The following RBFOX1 variants were observed in gnomAD, a reference collection of about 807,000 sequenced individuals.
RBFOX1 encodes RNA binding fox-1 homolog 1.
RBFOX1 carries 8 observed loss-of-function variants against 57.7 expected under a neutral mutation model. The observed-to-expected ratio is 0.14, with a 90% CI of 0.08 to 0.25. RBFOX1 has a LOEUF of 0.25. RBFOX1 is among the 10% of genes least tolerant of loss of function. The pLI is 1.00. For missense variants in RBFOX1, 611 were observed against 548.5 expected (o/e 1.11, Z -1.14); for synonymous variants, 326 against 222.4 (o/e 1.47, Z -4.15).
At chr16:6,521,313 C>A (rs960962800) in intron 2 of RBFOX1, among the ~76,000 whole-genome samples, 2 of 152,106 alleles carry the variant, frequency 1.3e-5, no homozygotes, top group Non-Finnish European at 2.9e-5. Flanking sequence ...TTCTGAAGCC[C>A]AAGACATCCC....
intron 4 of RBFOX1, among the ~76,000 whole-genome samples, chr16:7,507,372 C>T (rs982884209): frequency 6.6e-6 from 1 of 152,012 alleles, no homozygotes; most frequent in Admixed American, 6.6e-5. Context: ...TGATGATCCC[C>T]TACATGGGTC....
intron 4 of RBFOX1, among the ~76,000 whole-genome samples, chr16:6,005,194 C>T (rs971271442): frequency 9.2e-5 from 14 of 152,154 alleles, no homozygotes; most frequent in Admixed American, 4.6e-4. Flanking sequence ...GTTTATATTT[C>T]GTTCAAATGT....
intron 1 of RBFOX1, among the ~76,000 whole-genome samples, chr16:5,447,967 T>C (rs936053491): frequency 5.3e-5 from 8 of 152,220 alleles, no homozygotes; most frequent in African/African-American, 1.9e-4. Context: ...GATCAGCCAA[T>C]GGAGTGGGTC....
intron 1 of RBFOX1, among the ~76,000 whole-genome samples, chr16:6,105,658 T>G (rs1567467561): frequency 1.3e-5 from 2 of 150,702 alleles, no homozygotes; most frequent in Admixed American, 1.3e-4. Context: ...ATGTACTAAT[T>G]GAGAAAAACT....
At chr16:5,778,232 G>A (rs771521873) in intron 3 of RBFOX1, among the ~76,000 whole-genome samples, 2 of 152,184 alleles carry the variant, frequency 1.3e-5, no homozygotes, top group Non-Finnish European at 2.9e-5. Context: ...TCATCCATGT[G>A]TGGAGACCTA....
rs866598747 is a variant in RBFOX1, at chr16:6,450,833, A to G, written c.-64+133776A>G. The stretch of plus-strand genomic sequence containing the variant: ...TATATATATACATATATATATATAT[A>G]TATGTGTATATATATATATATATAT... On this transcript the variant is annotated intron_variant, in intron 2 of 15. Coordinates refer to ENST00000550418, the MANE Select transcript of RBFOX1 (RefSeq NM_018723.4). Among the ~76,000 whole-genome samples the G allele has an allele frequency of 4.9e-4, 17 of 35,036 alleles. 1 individual carries two copies. Among genetic ancestry groups the G allele is most frequent in the African/African-American group, 5.8e-4 (4 of 6,946 alleles). The allele number at this position is 35,036 out of a possible 152,430, so 23.0% of individuals were successfully genotyped here.
intron 3 of RBFOX1, among the ~76,000 whole-genome samples, chr16:7,025,884 T>C (rs2040768260): frequency 6.6e-6 from 1 of 151,928 alleles, no homozygotes; most frequent in Non-Finnish European, 1.5e-5. Context: ...AGCTGCTTAA[T>C]AGTACAGGCC....
intron 5 of RBFOX1, among the ~76,000 whole-genome samples, chr16:7,552,721 T>G (rs1231808476): frequency 3.3e-5 from 5 of 152,160 alleles, no homozygotes. Context: ...GTTACTCTGT[T>G]GCTCAGGCCG....
chr16:7,060,245 A>T (rs558800239), intron 4 of RBFOX1, among the ~76,000 whole-genome samples: 76 of 152,316 alleles, frequency 5.0e-4, no homozygotes, highest in African/African-American at 1.7e-3. Flanking sequence ...GATTGAGGCT[A>T]TGTCTCAATA....
At chr16:7,189,425 CAAAAAAAAAAA>C (rs1159617665) in intron 4 of RBFOX1, among the ~76,000 whole-genome samples, 3 of 67,612 alleles carry the variant, frequency 4.4e-5, no homozygotes, top group Non-Finnish European at 8.6e-5. Flanking sequence ...GACTCCCTCT[CAAAAAAAAAAA>C]AAAAAAAAAA....
At position 5,493,911 on chromosome 16, in the gene RBFOX1, C is replaced by T. The variant is rs118030676; in HGVS notation, c.258+26657C>T. ...CACCCTGTCTCATTTGTAGCTGTCT[C>T]AAAGCAGGCAATGAAAGTGGAAAGG... is the stretch of plus-strand genomic sequence containing the variant. On this transcript the variant is annotated intron_variant, in intron 2 of 2. Transcript: ENST00000585867. 1.6e-4 allele frequency among the ~76,000 whole-genome samples: 25 copies of T among 151,972 alleles called. No individual in the cohort carries two copies. The East Asian group carries it at 4.8e-3, about 29-fold the overall frequency.
intron 4 of RBFOX1, among the ~76,000 whole-genome samples, chr16:7,388,734 A>G (rs149300740): frequency 1.4e-5 from 2 of 146,748 alleles, no homozygotes; most frequent in Non-Finnish European, 3.0e-5. Context: ...AATGAATTCC[A>G]CGAGATATTC....
At chr16:7,508,663 C>CGATTTG (rs2074136358) in intron 4 of RBFOX1, among the ~76,000 whole-genome samples, 1 of 152,128 alleles carries the variant, frequency 6.6e-6, no homozygotes, top group African/African-American at 2.4e-5. Context: ...GATTTTCTTT[C>CGATTTG]CAACCTTGTA....
At chr16:5,848,955 CA>C (rs1011240538) in intron 3 of RBFOX1, among the ~76,000 whole-genome samples, 6 of 144,066 alleles carry the variant, frequency 4.2e-5, no homozygotes, top group Non-Finnish European at 7.8e-5. Context: ...TCTCAAAAAA[CA>C]AAAAAACAAA....
chr16:6,817,279 G>T (rs75669159), intron 3 of RBFOX1, among the ~76,000 whole-genome samples: 2 of 152,060 alleles, frequency 1.3e-5, no homozygotes, highest in African/African-American at 4.8e-5. Context: ...CCACCTTAAT[G>T]TGTCATAGCT....
intron 3 of RBFOX1, among the ~76,000 whole-genome samples, chr16:6,981,799 C>G (rs1413288003): frequency 1.3e-5 from 2 of 152,148 alleles, no homozygotes; most frequent in African/African-American, 2.4e-5. Flanking sequence ...ATTGTCAGAG[C>G]TACCAGTCAA....
intron 3 of RBFOX1, among the ~76,000 whole-genome samples, chr16:6,667,980 C>T (rs1057053919): frequency 6.6e-6 from 1 of 152,120 alleles, no homozygotes; most frequent in Non-Finnish European, 1.5e-5. Flanking sequence ...ATCTTTGACT[C>T]TGTTTCTTAG....
chr16:6,719,857 C>T (rs546015596), intron 3 of RBFOX1, among the ~76,000 whole-genome samples: 1 of 151,978 alleles, frequency 6.6e-6, no homozygotes, highest in Non-Finnish European at 1.5e-5. Flanking sequence ...CTTTGGGAAG[C>T]CTGGGCGGGC....
intron 2 of RBFOX1, among the ~76,000 whole-genome samples, chr16:5,588,436 G>T (rs1246472103): frequency 6.6e-6 from 1 of 152,232 alleles, no homozygotes; most frequent in African/African-American, 2.4e-5. Context: ...CCACTTAGCT[G>T]TGGGGTCATG....
Sources: gnomAD v4.1 joint callset for allele counts (sites outside exome capture counted in the v4.1 genomes callset) on GRCh38, gnomAD v4.1.1 for gene constraint, MANE v1.5 for transcripts, NCBI Gene and HGNC (gene_info 2026-07-23, HGNC 2026-07-21) for gene names.